Variants in RFX8 observed in about 807,000 individuals in gnomAD.
RFX8 encodes regulatory factor X8, also known as DNA-binding protein RFX8.
Under a neutral mutation model 54.6 loss-of-function variants are expected in RFX8, and 46 were observed. That is an observed-to-expected ratio of 0.84 (90% CI 0.67 to 1.08). The LOEUF is 1.08. Among genes scored for constraint, RFX8 ranks in the 50% least tolerant of loss-of-function variants. The probability of loss-of-function intolerance (pLI) is 0.00; values close to 1 mark genes in which losing one functional copy is unlikely to be tolerated. For missense variants in RFX8, 536 were observed against 562.3 expected (o/e 0.95, Z 0.47); for synonymous variants, 192 against 209.5 (o/e 0.92, Z 0.72).
chr2:101,473,477 G>T (rs1480867831), intron 1 of RFX8, among the ~76,000 whole-genome samples: 11 of 152,148 alleles, frequency 7.2e-5, no homozygotes, highest in African/African-American at 2.7e-4. Context: ...TAACTGTTTA[G>T]GCCTGCCAGG....
intron 2 of RFX8, among the ~76,000 whole-genome samples, chr2:101,427,009 G>T (rs1298221299): frequency 6.6e-6 from 1 of 152,000 alleles, no homozygotes; most frequent in Non-Finnish European, 1.5e-5. Flanking sequence ...CACCCACCTC[G>T]CCCAGTGTGC....
In RFX8 at chr2:101,397,633, T is replaced by A; in HGVS notation, c.1337A>T (p.Asp446Val). ...TATCTGAATCACAAATTGTTGTCCA[T>A]CTTTTAGGGTTATGAGGGCTTCTTG... ...MGQEALITLK[D>V]GQQFVIQISD... Residue 446 changes from aspartate (D) to valine (V), a missense_variant, in exon 12 of 12, where the codon GAT (aspartate) becomes GTT (valine). Asp to Val is a radical substitution (Grantham distance 152). Transcript: ENST00000428343. 1 of 1,551,506 alleles carries A rather than the reference T, an allele frequency of 6.4e-7. No individual in the cohort carries two copies. The highest frequency in any genetic ancestry group is 8.7e-7 in the Non-Finnish European group (1 of 1,146,864).
At chr2:101,419,178 G>A (rs1002420441) in intron 4 of RFX8, among the ~76,000 whole-genome samples, 2 of 152,186 alleles carry the variant, frequency 1.3e-5, no homozygotes, top group African/African-American at 4.8e-5. Context: ...ATGGGATAAT[G>A]TAGAACATTA....
chr2:101,423,028 C>A lies in RFX8; in HGVS notation c.73-556G>T, dbSNP rs549110969. 8.2e-4 allele frequency among the ~76,000 whole-genome samples: 125 copies of A among 152,172 alleles called. 1 individual carries two copies. The highest frequency in any genetic ancestry group is 2.8e-3 in the African/African-American group (118 of 41,534). ...ATCCCAGCACTTTGGGAGGGCGAGGCGGGTGGATCACTTGAAGTCAGTAGT... is the reference window on the plus strand; with the variant it reads ...ATCCCAGCACTTTGGGAGGGCGAGGAGGGTGGATCACTTGAAGTCAGTAGT... On this transcript the variant is annotated intron_variant, in intron 2 of 11. Coordinates refer to ENST00000428343, the MANE Select transcript of RFX8 (RefSeq NM_001145664.2).
In RFX8 at chr2:101,440,966, A is replaced by ATTTTTTTTTTTTTTTTTTTTTTTTTTTTT. The variant is rs70946645; in HGVS notation, c.73-18495_73-18494insAAAAAAAAAAAAAAAAAAAAAAAAAAAAA. 1.8e-5 allele frequency among the ~76,000 whole-genome samples: 2 copies of ATTTTTTTTTTTTTTTTTTTTTTTTTTTTT among 113,456 alleles called. 1 individual carries two copies. The highest frequency in any genetic ancestry group is 3.5e-5 in the Non-Finnish European group (2 of 57,108). 74.4% of individuals were successfully genotyped at this position (113,456 alleles called of 152,430 possible). On this transcript the variant is annotated intron_variant, in intron 2 of 11. Coordinates refer to ENST00000428343, the MANE Select transcript of RFX8 (RefSeq NM_001145664.2). Reference sequence around the variant, plus strand: ...TGTCCCCTCTGAAACCCATGTTGAAATTTTTTTTTTTTTTTTTTGAGACAG... The same window carrying ATTTTTTTTTTTTTTTTTTTTTTTTTTTTT: ...TGTCCCCTCTGAAACCCATGTTGAAATTTTTTTTTTTTTTTTTTTTTTTTTTTTTTTTTTTTTTTTTTTTTTTGAGACAG...
intron 1 of RFX8, among the ~76,000 whole-genome samples, chr2:101,470,154 A>G (rs1689895449): frequency 6.6e-6 from 1 of 152,096 alleles, no homozygotes; most frequent in Non-Finnish European, 1.5e-5. Context: ...CGGGCTTTGA[A>G]CCTCAAAGAC....
intron 2 of RFX8, among the ~76,000 whole-genome samples, chr2:101,431,107 C>A (rs1416300520): frequency 2.9e-5 from 2 of 69,856 alleles, no homozygotes; most frequent in Non-Finnish European, 9.0e-5. Flanking sequence ...TCCATCCATT[C>A]ATTCATCCAT....
intron 4 of RFX8, among the ~76,000 whole-genome samples, chr2:101,420,845 T>C (rs1204256567): frequency 6.6e-6 from 1 of 152,228 alleles, no homozygotes; most frequent in Admixed American, 6.5e-5. Context: ...CATTGCATCA[T>C]ATTTATTGGG....
At chr2:101,412,803 C>T (rs912669950) in intron 8 of RFX8, 112 bp downstream of exon 8, 78 of 1,023,612 alleles carry the variant, frequency 7.6e-5, no homozygotes, top group Non-Finnish European at 1.0e-4. Flanking sequence ...CTTAGAACAT[C>T]GGAGTTATAA....
intron 2 of RFX8, among the ~76,000 whole-genome samples, chr2:101,442,645 G>A (rs957505142): frequency 6.6e-6 from 1 of 151,972 alleles, no homozygotes; most frequent in African/African-American, 2.4e-5. Flanking sequence ...TTTTCTGCCT[G>A]CTTCCAGGGT....
chr2:101,421,112 G>A (rs1280216382), intron 4 of RFX8: 1 of 289,560 alleles, frequency 3.5e-6, no homozygotes, highest in African/African-American at 2.3e-5. Context: ...GGTAGTAAAT[G>A]CGCTCGTGCT....
At chr2:101,453,975 T>C (rs1330395854) in intron 2 of RFX8, among the ~76,000 whole-genome samples, 1 of 152,194 alleles carries the variant, frequency 6.6e-6, no homozygotes, top group Non-Finnish European at 1.5e-5. Flanking sequence ...CGTATACATG[T>C]GCCATGTTGG....
chr2:101,413,733 T>A (rs537993995), intron 7 of RFX8, among the ~76,000 whole-genome samples: 146 of 152,306 alleles, frequency 9.6e-4, no homozygotes, highest in African/African-American at 3.4e-3. Context: ...CCATGCTTAC[T>A]GCTCTGGTTG....
chr2:101,437,269 C>T (rs1687831857), intron 2 of RFX8, among the ~76,000 whole-genome samples: 1 of 151,436 alleles, frequency 6.6e-6, no homozygotes, highest in Non-Finnish European at 1.5e-5. Context: ...AGACCCGTCT[C>T]TTACAAAAAA....
intron 11 of RFX8, among the ~76,000 whole-genome samples, chr2:101,399,498 C>T (rs1573334005): frequency 1.3e-5 from 2 of 152,298 alleles, no homozygotes; most frequent in East Asian, 1.9e-4. Context: ...AATATCTTCT[C>T]TATTGTTTCC....
chr2:101,412,780 T>A (rs1686215186), intron 8 of RFX8, 135 bp downstream of exon 8: 2 of 897,252 alleles, frequency 2.2e-6, no homozygotes, highest in South Asian at 3.6e-5. Context: ...GGAAGAGAAG[T>A]GTGAGCAGAC....
intron 10 of RFX8, among the ~76,000 whole-genome samples, chr2:101,403,773 C>T (rs977556780): frequency 4.6e-5 from 7 of 151,788 alleles, no homozygotes; most frequent in African/African-American, 1.7e-4. Context: ...GGTGACAGAG[C>T]GAGACTCCAT....
chr2:101,413,470 G>A (rs1299788692), intron 7 of RFX8, among the ~76,000 whole-genome samples: 1 of 152,262 alleles, frequency 6.6e-6, no homozygotes, highest in African/African-American at 2.4e-5. Context: ...TCCCTTCCTC[G>A]TGGGAGCCTT....
chr2:101,425,151 C>T (rs1032212892), intron 2 of RFX8, among the ~76,000 whole-genome samples: 2 of 152,136 alleles, frequency 1.3e-5, no homozygotes, highest in African/African-American at 4.8e-5. Flanking sequence ...CATAGGCGCT[C>T]TGTTAGAGAA....
Sources: gnomAD v4.1 joint callset for allele counts (sites outside exome capture counted in the v4.1 genomes callset) on GRCh38, gnomAD v4.1.1 for gene constraint, MANE v1.5 for transcripts, NCBI Gene and HGNC (gene_info 2026-07-23, HGNC 2026-07-21) for gene names.